Variants in ARHGAP18 observed in about 807,000 individuals in gnomAD.
ARHGAP18 encodes the protein Rho GTPase activating protein 18, also known as rho GTPase-activating protein 18.
ARHGAP18 carries 67 observed loss-of-function variants against 86.2 expected under a neutral mutation model. That is an observed-to-expected ratio of 0.78 (90% CI 0.64 to 0.95). ARHGAP18 has a LOEUF of 0.95. Ranked by LOEUF, ARHGAP18 falls within the 40% of genes least tolerant of loss-of-function variation. The probability of loss-of-function intolerance (pLI) is 0.00; values close to 1 mark genes in which losing one functional copy is unlikely to be tolerated. For synonymous variants in ARHGAP18, 283 were observed against 280.4 expected, an observed-to-expected ratio of 1.01 and a Z score of -0.09; for missense variants, 691 against 780.4, an observed-to-expected ratio of 0.89 and a Z score of 1.37.
intron 1 of ARHGAP18, among the ~76,000 whole-genome samples, chr6:129,704,696 A>T (rs535929223): frequency 2.0e-5 from 3 of 152,236 alleles, no homozygotes; most frequent in South Asian, 4.2e-4. Flanking sequence ...CCAAACCACC[A>T]CTGCCTTAAC....
At chr6:129,697,566 C>G (rs577584607) in intron 1 of ARHGAP18, among the ~76,000 whole-genome samples, 217 of 152,214 alleles carry the variant, frequency 1.4e-3, no homozygotes, top group Middle Eastern at 3.4e-3. Flanking sequence ...TGTCAGGCCT[C>G]TATTGATTCT....
chr6:129,585,150 G>A (rs1202211729), intron 12 of ARHGAP18, among the ~76,000 whole-genome samples: 2 of 3,962 alleles, frequency 5.0e-4, no homozygotes, highest in Non-Finnish European at 8.7e-4. Flanking sequence ...AATTAGCTGG[G>A]TGTGGTGGTG....
chr6:129,689,906 T>C (rs1774494497), intron 1 of ARHGAP18, among the ~76,000 whole-genome samples: 1 of 152,226 alleles, frequency 6.6e-6, no homozygotes, highest in African/African-American at 2.4e-5. Flanking sequence ...ATTTCCATTC[T>C]GAATTCCAAA....
At chr6:129,698,634 A>G (rs1419577675) in intron 1 of ARHGAP18, among the ~76,000 whole-genome samples, 2 of 149,400 alleles carry the variant, frequency 1.3e-5, no homozygotes, top group African/African-American at 2.5e-5. Context: ...CCTCCATTTC[A>G]GGGTTCAAGC....
At chr6:129,626,919 G>C (rs1789488333) in intron 5 of ARHGAP18, among the ~76,000 whole-genome samples, 1 of 152,032 alleles carries the variant, frequency 6.6e-6, no homozygotes, top group South Asian at 2.1e-4. Flanking sequence ...CTCTGAAAAG[G>C]CTCAAAAGTA....
intron 12 of ARHGAP18, among the ~76,000 whole-genome samples, chr6:129,597,452 T>C (rs1255322633): frequency 2.0e-5 from 3 of 152,154 alleles, no homozygotes; most frequent in Admixed American, 2.0e-4. Context: ...TCTTCTCTAG[T>C]GACACCTGAA....
intron 13 of ARHGAP18, among the ~76,000 whole-genome samples, chr6:129,582,974 C>A (rs909837596): frequency 1.3e-5 from 2 of 152,180 alleles, no homozygotes; most frequent in African/African-American, 4.8e-5. Context: ...TCCTTTCTCC[C>A]AATTTATAAA....
chr6:129,585,128 TA>T (rs1788370370), intron 12 of ARHGAP18, among the ~76,000 whole-genome samples: 1 of 130,080 alleles, frequency 7.7e-6, no homozygotes, highest in Non-Finnish European at 1.6e-5. Context: ...CTGTTTGTAC[TA>T]AAAATACAAA....
intron 1 of ARHGAP18, among the ~76,000 whole-genome samples, chr6:129,707,718 G>T (rs1409485387): frequency 6.7e-6 from 1 of 150,140 alleles, no homozygotes; most frequent in Admixed American, 6.6e-5. Context: ...GCCCAGGCTG[G>T]TCTCTAACTC....
chr6:129,657,090 G>A (rs964959844), intron 1 of ARHGAP18, among the ~76,000 whole-genome samples: 2 of 152,134 alleles, frequency 1.3e-5, no homozygotes, highest in African/African-American at 4.8e-5. Flanking sequence ...CTCTTACTCT[G>A]CAAATGAAAG....
chr6:129,681,982 C>T (rs1299462930), intron 1 of ARHGAP18, among the ~76,000 whole-genome samples: 2 of 152,182 alleles, frequency 1.3e-5, no homozygotes, highest in East Asian at 3.8e-4. Context: ...AAAGCCTATA[C>T]TCTTACTGAG....
At position 129,605,959 on chromosome 6, in the gene ARHGAP18, T is replaced by C. The variant is rs1290636352; in HGVS notation, c.1283A>G (p.Asn428Ser). The C allele has an allele frequency of 6.2e-7, 1 of 1,612,956 alleles. No homozygotes were observed. Among genetic ancestry groups the C allele is most frequent in the South Asian group, 1.1e-5 (1 of 91,070 alleles). ...EYLKAFQAVQ[N>S]LPTKKQQLQA... ...TAGTTGCTGCTTCTTGGTTGGAAGA[T>C]CTGCAGACAAATTAAATAAATCTGA... is the stretch of plus-strand genomic sequence containing the variant. The change falls in exon 10 of 15, where the codon AAT becomes AGT. Residue 428 changes from asparagine (N) to serine (S), a missense_variant and splice_region_variant. By Grantham distance (46) the Asn-to-Ser change is conservative (BLOSUM62 1). Coordinates refer to ENST00000368149, the MANE Select transcript of ARHGAP18 (RefSeq NM_033515.3).
At chr6:129,672,939 T>A (rs1774164979) in intron 1 of ARHGAP18, among the ~76,000 whole-genome samples, 1 of 152,196 alleles carries the variant, frequency 6.6e-6, no homozygotes, top group African/African-American at 2.4e-5. Flanking sequence ...AGTCATTTTA[T>A]TTTACAGATG....
In ARHGAP18 at chr6:129,626,323, TAC is replaced by T. The variant is rs1789471563; in HGVS notation, c.786+3028_786+3029del. ...AAACTGTGCATAGTGAGCTACCAGTTACCTAGGAGCAGAAGGATAAACCATGA... is the reference window on the plus strand; with the variant it reads ...AAACTGTGCATAGTGAGCTACCAGTTCTAGGAGCAGAAGGATAAACCATGA... On this transcript the variant is annotated intron_variant, in intron 5 of 14. Transcript: ENST00000368149. Among the ~76,000 whole-genome samples, 4 of 151,804 alleles carry T rather than the reference TAC, an allele frequency of 2.6e-5. No individual in the cohort carries two copies. In the South Asian group the frequency reaches 8.3e-4, roughly 32 times the overall value.
chr6:129,648,843 G>A (rs997816974), intron 1 of ARHGAP18, among the ~76,000 whole-genome samples: 2 of 152,108 alleles, frequency 1.3e-5, no homozygotes. Flanking sequence ...TATTAATACT[G>A]TGTAATGGCC....
intron 13 of ARHGAP18, 93 bp from the exon 14 acceptor site, chr6:129,580,224 A>C: frequency 9.0e-7 from 1 of 1,109,968 alleles, no homozygotes; most frequent in Non-Finnish European, 1.4e-6. Flanking sequence ...GCTGGTATGG[A>C]AAATTCATAA....
intron 3 of ARHGAP18, among the ~76,000 whole-genome samples, chr6:129,635,857 A>G (rs1188463764): frequency 6.6e-6 from 1 of 152,062 alleles, no homozygotes; most frequent in Non-Finnish European, 1.5e-5. Context: ...TCTCTTAATG[A>G]CTCCATCAGA....
At chr6:129,607,746 G>A (rs1788883262) in intron 9 of ARHGAP18, 147 bp downstream of exon 9, 1 of 716,912 alleles carries the variant, frequency 1.4e-6, no homozygotes, top group Non-Finnish European at 2.1e-6. Context: ...AACAATGCAT[G>A]GCAGCTGAGC....
At chr6:129,705,431 T>C (rs1774788494) in intron 1 of ARHGAP18, among the ~76,000 whole-genome samples, 1 of 152,168 alleles carries the variant, frequency 6.6e-6, no homozygotes. Flanking sequence ...CAGACCTCAA[T>C]GCCCATCAAT....
Sources: gnomAD v4.1 joint callset for allele counts (sites outside exome capture counted in the v4.1 genomes callset) on GRCh38, gnomAD v4.1.1 for gene constraint, MANE v1.5 for transcripts, NCBI Gene and HGNC (gene_info 2026-07-23, HGNC 2026-07-21) for gene names.